PTPRD: variants seen among roughly 807,000 people sequenced by gnomAD.
PTPRD encodes protein tyrosine phosphatase receptor type D.
A neutral mutation model predicts 214.5 loss-of-function variants in PTPRD; 34 were observed. The ratio of observed to expected loss-of-function variants is 0.16; its 90% CI spans 0.12 to 0.21. PTPRD has a LOEUF of 0.21. Ranked by LOEUF, PTPRD falls within the 10% of genes least tolerant of loss-of-function variation. The pLI is 1.00. For synonymous variants in PTPRD, 1,128 were observed against 845.7 expected (o/e 1.33, Z -5.79); for missense variants, 2,545 against 2,398.7 (o/e 1.06, Z -1.27).
intron 5 of PTPRD, among the ~76,000 whole-genome samples, chr9:9,814,301 T>TAAAA (rs1183247419): frequency 1.3e-5 from 1 of 78,552 alleles, no homozygotes; most frequent in Non-Finnish European, 2.1e-5. Flanking sequence ...AGCAATTAGG[T>TAAAA]AAGAAAGAAA....
Position 8,692,407 on chromosome 9 carries a change from C to G in PTPRD, c.64+41373G>C, listed in dbSNP as rs149823105. On this transcript the variant is annotated intron_variant, in intron 12 of 45. Transcript: ENST00000381196. ...TGGACCTCCTGTCTTCAGAAGCCAC[C>G]TCCATTCTTAAAACAGCTTAGCCTA... 2.9e-3 allele frequency among the ~76,000 whole-genome samples: 440 copies of G among 152,284 alleles called. 2 individuals are homozygous for G. The highest frequency in any genetic ancestry group is 0.01 in the African/African-American group (425 of 41,566).
At chr9:8,343,062 A>G (rs1336804830) in intron 39 of PTPRD, among the ~76,000 whole-genome samples, 1 of 152,056 alleles carries the variant, frequency 6.6e-6, no homozygotes, top group Non-Finnish European at 1.5e-5. Context: ...TCCAAAACAA[A>G]TGAGTTAATG....
chr9:8,412,173 G>A (rs1251922389), intron 35 of PTPRD, among the ~76,000 whole-genome samples: 2 of 152,168 alleles, frequency 1.3e-5, no homozygotes, highest in Non-Finnish European at 1.5e-5. Context: ...TCAGGATGCT[G>A]AGGCAGGAAG....
intron 2 of PTPRD, among the ~76,000 whole-genome samples, chr9:10,384,688 G>T (rs1325745917): frequency 2.0e-5 from 3 of 150,792 alleles, no homozygotes; most frequent in Non-Finnish European, 4.4e-5. Context: ...GTTTGTCAAA[G>T]TTAGATTTAA....
intron 2 of PTPRD, among the ~76,000 whole-genome samples, chr9:10,356,454 T>C (rs189593910): frequency 2.0e-5 from 3 of 152,326 alleles, no homozygotes; most frequent in Non-Finnish European, 4.4e-5. Context: ...TAGGGTTGTA[T>C]ACTTTTAAAA....
intron 3 of PTPRD, among the ~76,000 whole-genome samples, chr9:10,246,231 C>T (rs971525146): frequency 5.3e-5 from 8 of 151,914 alleles, no homozygotes; most frequent in East Asian, 1.9e-4. Context: ...AGTACCAACT[C>T]GATTGGCTAT....
intron 9 of PTPRD, among the ~76,000 whole-genome samples, chr9:9,360,564 A>G (rs1241121994): frequency 6.6e-6 from 1 of 151,204 alleles, no homozygotes; most frequent in Non-Finnish European, 1.5e-5. Context: ...ATTATCTAGA[A>G]GTAAAGCTGA....
At chr9:10,547,101 TTTC>T (rs1168716682) in intron 2 of PTPRD, among the ~76,000 whole-genome samples, 21 of 152,006 alleles carry the variant, frequency 1.4e-4, no homozygotes, top group Non-Finnish European at 3.1e-4. Context: ...ACAAATAAAC[TTTC>T]TTATTTCAAG....
At chr9:8,345,169 G>A (rs1856397329) in intron 39 of PTPRD, among the ~76,000 whole-genome samples, 1 of 151,934 alleles carries the variant, frequency 6.6e-6, no homozygotes, top group Non-Finnish European at 1.5e-5. Context: ...TATCATCGTG[G>A]CAAATGAGAT....
chr9:8,851,751 C>T (rs896213058), intron 11 of PTPRD, among the ~76,000 whole-genome samples: 1 of 152,062 alleles, frequency 6.6e-6, no homozygotes, highest in East Asian at 1.9e-4. Context: ...TTCATTCCCT[C>T]CATTTTACAG....
At chr9:9,488,635 A>T (rs988208997) in intron 8 of PTPRD, among the ~76,000 whole-genome samples, 2 of 152,192 alleles carry the variant, frequency 1.3e-5, no homozygotes, top group African/African-American at 4.8e-5. Context: ...TGGAAAACAC[A>T]AGGAATTTGT....
At chr9:9,071,845 C>T (rs370529731) in intron 10 of PTPRD, among the ~76,000 whole-genome samples, 26 of 152,120 alleles carry the variant, frequency 1.7e-4, no homozygotes, top group Non-Finnish European at 2.9e-5. Flanking sequence ...ATTTGTTACT[C>T]TAATATAGAA....
At chr9:9,866,246 T>C (rs1040067171) in intron 5 of PTPRD, among the ~76,000 whole-genome samples, 13 of 152,186 alleles carry the variant, frequency 8.5e-5, no homozygotes, top group African/African-American at 3.1e-4. Flanking sequence ...GTCATAGCCT[T>C]AATCAGTTGT....
At chr9:9,435,013 T>A (rs1214194230) in intron 8 of PTPRD, among the ~76,000 whole-genome samples, 1 of 151,606 alleles carries the variant, frequency 6.6e-6, no homozygotes, top group African/African-American at 2.4e-5. Flanking sequence ...AGACAAAGAG[T>A]ATTTAAGAAT....
chr9:10,406,683 T>C (rs2098365709), intron 2 of PTPRD, among the ~76,000 whole-genome samples: 3 of 151,678 alleles, frequency 2.0e-5, no homozygotes, highest in South Asian at 4.1e-4. Flanking sequence ...TTTTCACTTT[T>C]AGCATGTGTA....
chr9:9,336,081 T>C (rs1306494950), intron 9 of PTPRD, among the ~76,000 whole-genome samples: 5 of 152,140 alleles, frequency 3.3e-5, no homozygotes, highest in African/African-American at 4.8e-5. Context: ...AGGTTAAAGA[T>C]ACGACACACA....
intron 8 of PTPRD, among the ~76,000 whole-genome samples, chr9:9,544,374 G>C (rs1270865816): frequency 2.6e-5 from 4 of 151,506 alleles, no homozygotes; most frequent in Admixed American, 6.6e-5. Context: ...TAATTACTTT[G>C]TATAAATATT....
At chr9:9,456,747 G>A (rs1377049523) in intron 8 of PTPRD, among the ~76,000 whole-genome samples, 1 of 151,718 alleles carries the variant, frequency 6.6e-6, no homozygotes, top group East Asian at 1.9e-4. Context: ...TCATTTTATA[G>A]ATGGGGAGAC....
chr9:9,878,462 G>A (rs999955696), intron 5 of PTPRD, among the ~76,000 whole-genome samples: 10 of 152,248 alleles, frequency 6.6e-5, no homozygotes, highest in East Asian at 1.9e-4. Flanking sequence ...AGTCATCTAA[G>A]TGAAGACTTA....
Sources: gnomAD v4.1 joint callset for allele counts (sites outside exome capture counted in the v4.1 genomes callset) on GRCh38, gnomAD v4.1.1 for gene constraint, MANE v1.5 for transcripts, NCBI Gene and HGNC (gene_info 2026-07-23, HGNC 2026-07-21) for gene names.